The following DDIAS variants were observed in gnomAD, a reference collection of about 807,000 sequenced individuals.
DDIAS encodes DNA damage induced apoptosis suppressor, also known as DNA damage-induced apoptosis suppressor protein.
A neutral mutation model predicts 15.7 loss-of-function variants in DDIAS; 14 were observed. That is an observed-to-expected ratio of 0.89 (90% CI 0.59 to 1.39). DDIAS has a LOEUF of 1.39. Ranked by LOEUF, DDIAS falls within the 40% of genes most tolerant of loss-of-function variation. The pLI is 0.00. For synonymous variants in DDIAS, 355 were observed against 395.9 expected (o/e 0.90, Z 1.23); for missense variants, 1,035 against 1,130.9 (o/e 0.92, Z 1.22).
chr11:82,931,527 G>A (rs1021345198), intron 5 of DDIAS, among the ~76,000 whole-genome samples: 8 of 151,834 alleles, frequency 5.3e-5, no homozygotes, highest in African/African-American at 1.9e-4. Context: ...AATTTTTGTG[G>A]GGGTATTTTT....
At position 82,933,257 on chromosome 11, in the gene DDIAS, A is replaced by G. The variant is rs142322539; in HGVS notation, c.1919A>G (p.Asn640Ser). The G allele has an allele frequency of 3.4e-4, 545 of 1,612,294 alleles. No homozygotes were observed. Among genetic ancestry groups the G allele is most frequent in the Non-Finnish European group, 4.3e-4 (504 of 1,179,626 alleles). ...ACATATCCTTTAGAAACTCTTTGCA[A>G]TAGTCCAAATAGAAGTACAAATACA... ...KLTYPLETLC[N>S]SPNRSTNTLK... Residue 640 changes from asparagine (N) to serine (S), a missense_variant, in exon 6 of 6, where the codon AAT becomes AGT. By Grantham distance (46) the Asn-to-Ser change is conservative (BLOSUM62 1). Coordinates refer to ENST00000533655, the MANE Select transcript of DDIAS (RefSeq NM_145018.4).
At chr11:82,909,935 T>A (rs984419763) in intron 1 of DDIAS, among the ~76,000 whole-genome samples, 1 of 152,246 alleles carries the variant, frequency 6.6e-6, no homozygotes, top group African/African-American at 2.4e-5. Context: ...TTTATTTTTA[T>A]AGAAATGTTA....
intron 4 of DDIAS, among the ~76,000 whole-genome samples, chr11:82,929,509 C>T (rs1860939188): frequency 6.6e-6 from 1 of 152,076 alleles, no homozygotes; most frequent in African/African-American, 2.4e-5. Context: ...GGAGACCATC[C>T]TGGCTAACAC....
chr11:82,908,503 G>C (rs762574598), intron 1 of DDIAS, among the ~76,000 whole-genome samples: 12 of 152,228 alleles, frequency 7.9e-5, no homozygotes, highest in Non-Finnish European at 1.8e-4. Flanking sequence ...TTAGAATGTG[G>C]AGGACAATGC....
At chr11:82,912,078 A>T (rs1439378610) in intron 1 of DDIAS, among the ~76,000 whole-genome samples, 1 of 152,294 alleles carries the variant, frequency 6.6e-6, no homozygotes, top group East Asian at 1.9e-4. Context: ...CTAGAGCACA[A>T]GCAGAGTAGA....
chr11:82,914,413 G>A (rs1455323239), intron 2 of DDIAS, among the ~76,000 whole-genome samples: 3 of 152,178 alleles, frequency 2.0e-5, no homozygotes, highest in Non-Finnish European at 4.4e-5. Flanking sequence ...CACAAGTTGT[G>A]TATCTTCTTG....
chr11:82,931,708 T>G lies in DDIAS; in HGVS notation c.394-24T>G, dbSNP rs200614514. The G allele has an allele frequency of 3.9e-6, 6 of 1,549,762 alleles. No individual in the cohort carries two copies. The East Asian group carries it at 1.3e-4, about 35-fold the overall frequency. On this transcript the variant is annotated intron_variant, in intron 5 of 5. Coordinates refer to ENST00000533655, the MANE Select transcript of DDIAS (RefSeq NM_145018.4). ...AATGGAAGACAATTTTATTCTTACT[T>G]AAATTTCTTTGCTTCTTTCACAGAA...
intron 3 of DDIAS, among the ~76,000 whole-genome samples, chr11:82,924,175 T>G (rs1860810781): frequency 6.6e-6 from 1 of 152,240 alleles, no homozygotes; most frequent in African/African-American, 2.4e-5. Flanking sequence ...TTTCTTACTT[T>G]GTGGGGGAAG....
At chr11:82,928,003 G>A (rs1468858237) in intron 3 of DDIAS, among the ~76,000 whole-genome samples, 2 of 151,704 alleles carry the variant, frequency 1.3e-5, no homozygotes, top group Non-Finnish European at 2.9e-5. Flanking sequence ...ATTACATACT[G>A]TCTTAAAAAA....
intron 3 of DDIAS, among the ~76,000 whole-genome samples, chr11:82,926,088 A>ATTCTT (rs1860855837): frequency 7.5e-6 from 1 of 133,988 alleles, no homozygotes; most frequent in African/African-American, 2.9e-5. Context: ...TTGGCAAGTA[A>ATTCTT]TTTTTTTTTT....
chr11:82,920,630 G>A (rs1457203071), intron 3 of DDIAS, among the ~76,000 whole-genome samples: 1 of 152,076 alleles, frequency 6.6e-6, no homozygotes, highest in Non-Finnish European at 1.5e-5. Flanking sequence ...TTTCATTTTT[G>A]ATCCAAGGAT....
chr11:82,931,263 T>C (rs1860978460), intron 5 of DDIAS, among the ~76,000 whole-genome samples: 1 of 152,250 alleles, frequency 6.6e-6, no homozygotes, highest in Non-Finnish European at 1.5e-5. Flanking sequence ...CTCTTACATA[T>C]GCTACTTTGC....
At chr11:82,921,736 G>A (rs533559163) in intron 3 of DDIAS, among the ~76,000 whole-genome samples, 8 of 151,546 alleles carry the variant, frequency 5.3e-5, no homozygotes, top group East Asian at 1.9e-4. Context: ...CCACCACCAC[G>A]TCCAGCTAAT....
In DDIAS at chr11:82,914,778, G is replaced by A. The variant is rs1452786590; in HGVS notation, c.40G>A (p.Ala14Thr). Reference sequence around the variant, plus strand: ...AAAATTTCTTCTAGCCTCAGTACTTGCTCTCCAGAATTCAAGTTTTATATA... The same window carrying A: ...AAAATTTCTTCTAGCCTCAGTACTTACTCTCCAGAATTCAAGTTTTATATA... ...RRKFLLASVLALQNSSFIYPS... is the reference protein window; with the variant it reads ...RRKFLLASVLTLQNSSFIYPS... Residue 14 changes from alanine (A) to threonine (T), a missense_variant, in exon 3 of 6, where the codon GCT becomes ACT. Ala to Thr is a moderately conservative substitution (Grantham distance 58). Transcript: ENST00000533655. The A allele has an allele frequency of 3.1e-6, 5 of 1,611,298 alleles. No homozygotes were observed. In the Admixed American group the frequency reaches 8.3e-5, roughly 27 times the overall value.
intron 3 of DDIAS, among the ~76,000 whole-genome samples, chr11:82,919,284 C>T (rs7115419): frequency 0.54 from 82,508 of 152,022 alleles, 23,237 homozygotes; most frequent in African/African-American, 0.7. Flanking sequence ...ATGCCACTTT[C>T]GCTGAGAGTT....
In DDIAS at chr11:82,930,221, AC is replaced by A; in HGVS notation, c.341del (p.Thr114IlefsTer17). ...CAATGATACAACTCAGAATCTATTA[AC>A]TAAAGCAGTTGAAACTTGCTTTGTT... is the stretch of plus-strand genomic sequence containing the variant. ...LDNDTTQNLL[T>X]KAVETCFVGQ... On this transcript the variant is annotated frameshift_variant, in exon 5 of 6. Transcript: ENST00000533655. LOFTEE classifies it high-confidence loss of function. 6.2e-7 allele frequency: 1 copy of A among 1,606,082 alleles called. No homozygotes were observed. The highest frequency in any genetic ancestry group is 1.3e-5 in the African/African-American group (1 of 74,700).
intron 1 of DDIAS, among the ~76,000 whole-genome samples, chr11:82,903,635 C>T (rs1860370998): frequency 6.6e-6 from 1 of 152,060 alleles, no homozygotes; most frequent in Non-Finnish European, 1.5e-5. Flanking sequence ...CTAGAATTTT[C>T]GTGTCAATGT....
intron 1 of DDIAS, among the ~76,000 whole-genome samples, chr11:82,907,133 A>C (rs1333732306): frequency 6.6e-6 from 1 of 152,226 alleles, no homozygotes; most frequent in Non-Finnish European, 1.5e-5. Context: ...AATAATAAGC[A>C]TTACCAAGAG....
intron 3 of DDIAS, among the ~76,000 whole-genome samples, chr11:82,923,910 T>G (rs1860807169): frequency 6.6e-6 from 1 of 152,204 alleles, no homozygotes; most frequent in South Asian, 2.1e-4. Flanking sequence ...CTCCCCAGAT[T>G]ATAAGCTGGA....
Sources: gnomAD v4.1 joint callset for allele counts (sites outside exome capture counted in the v4.1 genomes callset) on GRCh38, gnomAD v4.1.1 for gene constraint, MANE v1.5 for transcripts, NCBI Gene and HGNC (gene_info 2026-07-23, HGNC 2026-07-21) for gene names.